Variants in SIPA1L1 observed in about 807,000 individuals in gnomAD.
The protein encoded by SIPA1L1 is signal induced proliferation associated 1 like 1.
SIPA1L1 carries 26 observed loss-of-function variants against 162.7 expected under a neutral mutation model. The observed-to-expected ratio is 0.16, with a 90% confidence interval of 0.12 to 0.22. The LOEUF is 0.22. Ranked by LOEUF, SIPA1L1 falls within the 10% of genes least tolerant of loss-of-function variation. The pLI, the probability that SIPA1L1 is intolerant of heterozygous loss-of-function variation, is 1.00. For missense variants in SIPA1L1, 1,874 were observed against 2,241.0 expected (o/e 0.84, Z 3.31); for synonymous variants, 829 against 837.4 (o/e 0.99, Z 0.17).
intron 2 of SIPA1L1, among the ~76,000 whole-genome samples, chr14:71,467,852 TAA>T (rs11394096): frequency 1.6e-4 from 22 of 135,720 alleles, no homozygotes; most frequent in Admixed American, 1.5e-4. Context: ...CCCCATCTCT[TAA>T]AAAAAAAAAA....
intron 4 of SIPA1L1, among the ~76,000 whole-genome samples, chr14:71,571,656 A>G (rs1269357816): frequency 6.6e-6 from 1 of 151,502 alleles, no homozygotes; most frequent in Non-Finnish European, 1.5e-5. Flanking sequence ...TTATTTATTT[A>G]TTTGAGATGG....
intron 7 of SIPA1L1, 47 bp downstream of exon 7, chr14:71,624,283 T>C (rs777719611): frequency 1.3e-6 from 2 of 1,496,994 alleles, no homozygotes; most frequent in Admixed American, 4.0e-5. Context: ...GGTTTATTGC[T>C]AGGCTTCCGG....
chr14:71,349,441 T>A lies in SIPA1L1; in HGVS notation c.-465+28260T>A, dbSNP rs1594938778. On this transcript the variant is annotated intron_variant, in intron 2 of 23. Transcript: ENST00000381232. ...CTGGGCCCCCTCCAGTTTCCTTCAG[T>A]TCAGAATCCTTTGGGGGTAATGTAT... Among the ~76,000 whole-genome samples, 3 of 152,208 alleles carry A rather than the reference T, an allele frequency of 2.0e-5. No homozygotes were observed. In the South Asian group the frequency reaches 6.2e-4, roughly 32 times the overall value.
intron 7 of SIPA1L1, among the ~76,000 whole-genome samples, chr14:71,630,107 C>G (rs1483476639): frequency 6.6e-6 from 1 of 152,196 alleles, no homozygotes; most frequent in Non-Finnish European, 1.5e-5. Flanking sequence ...ATTGCCATTC[C>G]TAGAATTTTA....
intron 2 of SIPA1L1, among the ~76,000 whole-genome samples, chr14:71,460,587 C>T (rs1442430291): frequency 6.6e-5 from 10 of 152,154 alleles, no homozygotes; most frequent in African/African-American, 2.4e-5. Context: ...ATCTCAACTT[C>T]CAGTTTAATG....
rs570371400 is a variant in SIPA1L1 at position 71,446,249 on chromosome 14, C to G, written c.-464-66494C>G. Among the ~76,000 whole-genome samples the G allele has an allele frequency of 7.8e-4, 118 of 152,196 alleles. 1 individual carries two copies. The highest frequency in any genetic ancestry group is 2.7e-3 in the African/African-American group (111 of 41,542). ...AGAAAATAGGAATCAAAAAAGAAAC[C>G]ATGCTCATTTGGGTTTCTAATATTT... On this transcript the variant is annotated intron_variant, in intron 2 of 23. Coordinates refer to ENST00000381232, the MANE Select transcript of SIPA1L1 (RefSeq NM_001386936.1).
At chr14:71,639,645 G>A (rs2041506918) in intron 7 of SIPA1L1, among the ~76,000 whole-genome samples, 1 of 152,172 alleles carries the variant, frequency 6.6e-6, no homozygotes, top group Non-Finnish European at 1.5e-5. Context: ...AATTAATGTG[G>A]GAGAAGTTAT....
At chr14:71,345,867 A>G (rs962874012) in intron 2 of SIPA1L1, among the ~76,000 whole-genome samples, 4 of 150,718 alleles carry the variant, frequency 2.7e-5, no homozygotes, top group Non-Finnish European at 4.4e-5. Context: ...TGCGCCTGGC[A>G]CCCAGAGCTT....
chr14:71,644,616 T>C (rs1046386141), intron 7 of SIPA1L1, among the ~76,000 whole-genome samples: 11 of 152,236 alleles, frequency 7.2e-5, no homozygotes, highest in Non-Finnish European at 1.5e-4. Context: ...CTTATGGAGA[T>C]TTTATAAGTG....
intron 2 of SIPA1L1, among the ~76,000 whole-genome samples, chr14:71,348,591 T>C (rs2036399217): frequency 6.6e-6 from 1 of 152,224 alleles, no homozygotes; most frequent in Admixed American, 6.5e-5. Flanking sequence ...TCCCATTAGA[T>C]GTATGTCTAA....
chr14:71,432,274 A>G (rs369380017), intron 2 of SIPA1L1, among the ~76,000 whole-genome samples: 6 of 151,822 alleles, frequency 4.0e-5, no homozygotes, highest in African/African-American at 1.2e-4. Flanking sequence ...AGGCCTTACT[A>G]TGTTGCCAGG....
At chr14:71,456,975 C>T (rs34993988) in intron 2 of SIPA1L1, among the ~76,000 whole-genome samples, 25,168 of 152,224 alleles carry the variant, frequency 0.17, 2,690 homozygotes, top group Middle Eastern at 0.35. Context: ...GAGGACAAGG[C>T]CTTGCTACAT....
chr14:71,470,698 G>C (rs1277949854), intron 2 of SIPA1L1, among the ~76,000 whole-genome samples: 1 of 152,040 alleles, frequency 6.6e-6, no homozygotes, highest in Non-Finnish European at 1.5e-5. Context: ...TATAAAATGA[G>C]AGTGTTGGGG....
At chr14:71,500,260 T>C (rs937509352) in intron 2 of SIPA1L1, among the ~76,000 whole-genome samples, 4 of 152,076 alleles carry the variant, frequency 2.6e-5, no homozygotes, top group African/African-American at 7.2e-5. Flanking sequence ...ATAACCACAA[T>C]ACATAAAGAG....
chr14:71,485,847 C>T (rs2048711549), intron 2 of SIPA1L1, among the ~76,000 whole-genome samples: 2 of 152,068 alleles, frequency 1.3e-5, no homozygotes, highest in Non-Finnish European at 1.5e-5. Context: ...TAACAATTCA[C>T]CTGGCTTGTA....
intron 5 of SIPA1L1, among the ~76,000 whole-genome samples, chr14:71,593,947 G>A (rs772943867): frequency 2.0e-4 from 30 of 152,150 alleles, no homozygotes; most frequent in African/African-American, 6.3e-4. Context: ...GGTCTGAAGC[G>A]CATCTAAGAG....
chr14:71,696,877 C>A (rs2081670458), intron 13 of SIPA1L1, among the ~76,000 whole-genome samples: 1 of 152,134 alleles, frequency 6.6e-6, no homozygotes, highest in South Asian at 2.1e-4. Flanking sequence ...TGGCATCAGG[C>A]CTTTTTATGT....
intron 17 of SIPA1L1, among the ~76,000 whole-genome samples, chr14:71,717,923 G>T (rs534056549): frequency 6.6e-6 from 1 of 152,288 alleles, no homozygotes; most frequent in East Asian, 1.9e-4. Context: ...ACAAGCCCAG[G>T]ATTCCCCAGT....
intron 2 of SIPA1L1, among the ~76,000 whole-genome samples, chr14:71,325,992 T>C (rs1437817610): frequency 6.6e-6 from 1 of 152,168 alleles, no homozygotes; most frequent in Non-Finnish European, 1.5e-5. Context: ...CGGGGGTCAC[T>C]CAAAGGCAAC....
Sources: allele counts gnomAD v4.1 joint callset (sites outside exome capture counted in the v4.1 genomes callset), GRCh38; gene constraint gnomAD v4.1.1; transcripts MANE v1.5; gene names NCBI Gene and HGNC (gene_info 2026-07-23, HGNC 2026-07-21).